PPFIBP1: variants seen among roughly 807,000 people sequenced by gnomAD.
The protein encoded by PPFIBP1 is liprin-beta-1.
Under a neutral mutation model 137.8 loss-of-function variants are expected in PPFIBP1, and 112 were observed. The observed-to-expected ratio is 0.81, with a 90% CI of 0.70 to 0.95. PPFIBP1 has a LOEUF of 0.95. PPFIBP1 is among the 40% of genes least tolerant of loss of function. PPFIBP1 has a pLI of 0.00. For synonymous variants in PPFIBP1, 378 were observed against 417.3 expected, an observed-to-expected ratio of 0.91 and a Z score of 1.15; for missense variants, 1,083 against 1,196.6, an observed-to-expected ratio of 0.91 and a Z score of 1.40.
chr12:27,535,336 C>T (rs1047344658), intron 1 of PPFIBP1, among the ~76,000 whole-genome samples: 3 of 152,058 alleles, frequency 2.0e-5, no homozygotes, highest in African/African-American at 7.2e-5. Context: ...AAAAACTAAG[C>T]AGTGAAGTTT....
rs1378025772 is a variant in PPFIBP1, at chr12:27,596,103, CACACATAT to C, written c.-36+17865_-36+17872del. ...ACACACACACACACACACACACACA[CACACATAT>C]GCTTACAAATGGCAAAAAGCCAAGA... On this transcript the variant is annotated intron_variant, in intron 2 of 29. Transcript: ENST00000228425. Among the ~76,000 whole-genome samples, 13 of 147,556 alleles carry C rather than the reference CACACATAT, an allele frequency of 8.8e-5. No individual in the cohort carries two copies. The East Asian group carries it at 1.2e-3, about 13-fold the overall frequency.
chr12:27,673,847 T>G lies in PPFIBP1; in HGVS notation c.1380+20T>G, dbSNP rs2052673. 0.82 allele frequency: 1,309,309 copies of G among 1,588,858 alleles called. 539,939 individuals carry two copies. The highest frequency in any genetic ancestry group is 0.9 in the Admixed American group (52,841 of 59,008). On this transcript the variant is annotated intron_variant, in intron 16 of 29. Transcript: ENST00000228425. ...GATGGGGTGGGTTCTGTGTTTTTTGTTTTTTTTTGTCTGTTATCCTGAGAA... is the reference window on the plus strand; with the variant it reads ...GATGGGGTGGGTTCTGTGTTTTTTGGTTTTTTTTGTCTGTTATCCTGAGAA...
chr12:27,660,977 A>G, intron 11 of PPFIBP1, 32 bp downstream of exon 11: 2 of 1,607,992 alleles, frequency 1.2e-6, no homozygotes, highest in African/African-American at 1.3e-5. Context: ...ATACGTGTGG[A>G]TGTTTTTTAA....
At chr12:27,660,528 G>A (rs2059476716) in intron 10 of PPFIBP1, among the ~76,000 whole-genome samples, 2 of 152,156 alleles carry the variant, frequency 1.3e-5, no homozygotes, top group South Asian at 2.1e-4. Context: ...TGGCTTTCAC[G>A]CACTGCTTTA....
At chr12:27,603,681 C>T (rs1478625266) in intron 2 of PPFIBP1, among the ~76,000 whole-genome samples, 1 of 152,170 alleles carries the variant, frequency 6.6e-6, no homozygotes, top group African/African-American at 2.4e-5. Flanking sequence ...AGTTAGCATC[C>T]TTTCGCAATG....
chr12:27,593,987 T>A, intron 2 of PPFIBP1: 1 of 1,387,798 alleles, frequency 7.2e-7, no homozygotes, highest in Non-Finnish European at 9.4e-7. Context: ...CAGGTTGGAA[T>A]TGGATTTGGA....
intron 1 of PPFIBP1, among the ~76,000 whole-genome samples, chr12:27,549,803 C>T (rs1378065826): frequency 6.6e-6 from 1 of 152,200 alleles, no homozygotes; most frequent in East Asian, 1.9e-4. Flanking sequence ...CCCGCCCTCT[C>T]CCCTTCTTTG....
chr12:27,582,325 G>A (rs1469877074), intron 2 of PPFIBP1, among the ~76,000 whole-genome samples: 2 of 152,124 alleles, frequency 1.3e-5, no homozygotes, highest in Admixed American at 6.6e-5. Context: ...TATCTCTGAT[G>A]ACTTTTAAAT....
chr12:27,534,561 TA>T (rs879643655), intron 1 of PPFIBP1, among the ~76,000 whole-genome samples: 137 of 140,540 alleles, frequency 9.7e-4, no homozygotes, highest in Middle Eastern at 3.6e-3. Flanking sequence ...GTAGTGGTTA[TA>T]AAAAAAAAAA....
intron 4 of PPFIBP1, among the ~76,000 whole-genome samples, chr12:27,643,517 T>C (rs2058260191): frequency 7.6e-6 from 1 of 131,172 alleles, no homozygotes; most frequent in African/African-American, 3.2e-5. Flanking sequence ...CAAGCCCTGA[T>C]AGAGGTGGAC....
intron 2 of PPFIBP1, among the ~76,000 whole-genome samples, chr12:27,620,137 T>A (rs2138513586): frequency 6.6e-6 from 1 of 152,292 alleles, no homozygotes; most frequent in Non-Finnish European, 1.5e-5. Context: ...TGCTTCTACC[T>A]CTGTCACCCC....
chr12:27,687,407 T>C lies in PPFIBP1; in HGVS notation c.2270T>C (p.Val757Ala). 3 of 1,613,930 alleles carry C rather than the reference T, an allele frequency of 1.9e-6. No homozygotes were observed. Among genetic ancestry groups the C allele is most frequent in the Non-Finnish European group, 2.5e-6 (3 of 1,179,844 alleles). The change falls in exon 25 of 30, where the codon GTT becomes GCT. Residue 757 changes from valine to alanine, a missense_variant. Transcript: ENST00000228425. ...MTVDDLLSLK[V>A]VSVLHHLSIK... Reference sequence around the variant, plus strand: ...CAGGATGACTTACTGTCTCTGAAGGTTGTAAGTGTGCTACACCATCTCAGT... The same window carrying C: ...CAGGATGACTTACTGTCTCTGAAGGCTGTAAGTGTGCTACACCATCTCAGT...
chr12:27,635,378 A>C (rs1307838830), intron 4 of PPFIBP1: 30 of 585,786 alleles, frequency 5.1e-5, no homozygotes, highest in Non-Finnish European at 6.7e-5. Context: ...TGCCTGAATG[A>C]CCTACTGTGG....
chr12:27,601,330 G>A (rs1204468408), intron 2 of PPFIBP1, among the ~76,000 whole-genome samples: 4 of 152,048 alleles, frequency 2.6e-5, no homozygotes, highest in South Asian at 2.1e-4. Context: ...TATTTATAAC[G>A]ATTATTTTTA....
At chr12:27,570,133 T>A (rs921406095) in intron 1 of PPFIBP1, among the ~76,000 whole-genome samples, 4 of 152,200 alleles carry the variant, frequency 2.6e-5, no homozygotes, top group African/African-American at 9.7e-5. Flanking sequence ...GCATTTTTGG[T>A]TACCATTGCA....
Position 27,671,428 on chromosome 12 carries a change from C to G in PPFIBP1, c.1147-3C>G. 1 of 1,507,338 alleles carries G rather than the reference C, an allele frequency of 6.6e-7. No individual in the cohort carries two copies. The highest frequency in any genetic ancestry group is 9.0e-7 in the Non-Finnish European group (1 of 1,107,526). The allele number at this position is 1,507,338 out of a possible 1,614,324, so 93.4% of individuals were successfully genotyped here. On this transcript the variant is annotated splice_region_variant and splice_polypyrimidine_tract_variant and intron_variant, in intron 13 of 29. Transcript: ENST00000228425. ...TGATTGATTTTTTGTAATTACATTA[C>G]AGTTCCATACTACCATCTTGCAAGT...
chr12:27,667,624 A>G (rs896628078), intron 13 of PPFIBP1, among the ~76,000 whole-genome samples: 2 of 152,212 alleles, frequency 1.3e-5, no homozygotes, highest in Non-Finnish European at 2.9e-5. Context: ...TGTACACCAC[A>G]CCGAAACTTT....
At chr12:27,581,583 C>T (rs2051123210) in intron 2 of PPFIBP1, among the ~76,000 whole-genome samples, 1 of 152,124 alleles carries the variant, frequency 6.6e-6, no homozygotes, top group Non-Finnish European at 1.5e-5. Flanking sequence ...TCCTTTGCGC[C>T]CTTTTCTCTG....
intron 1 of PPFIBP1, among the ~76,000 whole-genome samples, chr12:27,534,918 TA>T (rs1474941608): frequency 1.3e-5 from 2 of 152,166 alleles, no homozygotes; most frequent in Non-Finnish European, 2.9e-5. Flanking sequence ...GTAATGACAT[TA>T]GGGGTATGTG....
Sources: allele counts gnomAD v4.1 joint callset (sites outside exome capture counted in the v4.1 genomes callset), GRCh38; gene constraint gnomAD v4.1.1; transcripts MANE v1.5; gene names NCBI Gene and HGNC (gene_info 2026-07-23, HGNC 2026-07-21).